The following GABPB1 variants were observed in gnomAD, a reference collection of about 807,000 sequenced individuals.
GABPB1 encodes the protein GA-binding protein subunit beta-1.
A neutral mutation model predicts 45.9 loss-of-function variants in GABPB1; 15 were observed. The observed-to-expected ratio is 0.33, with a 90% CI of 0.22 to 0.50. GABPB1 has a LOEUF of 0.50. Among genes scored for constraint, GABPB1 ranks in the 20% least tolerant of loss-of-function variants. GABPB1 has a pLI of 0.98. For synonymous variants in GABPB1, 143 were observed against 154.4 expected (o/e 0.93, Z 0.55); for missense variants, 252 against 457.5 (o/e 0.55, Z 4.10).
intron 1 of GABPB1, chr15:50,349,025 T>C: frequency 6.6e-6 from 1 of 152,280 alleles, no homozygotes; most frequent in South Asian, 2.1e-4. Context: ...TATTATAAAA[T>C]AGGACTCAAA....
intron 1 of GABPB1, among the ~76,000 whole-genome samples, chr15:50,318,750 TG>T (rs1489048503): frequency 1.3e-5 from 2 of 151,950 alleles, no homozygotes; most frequent in East Asian, 3.9e-4. Context: ...TGAATGTCAG[TG>T]GAGAGTTTGG....
At chr15:50,291,413 A>T (rs1298121288) in intron 6 of GABPB1, among the ~76,000 whole-genome samples, 1 of 151,606 alleles carries the variant, frequency 6.6e-6, no homozygotes. Flanking sequence ...CCGCCTCCCG[A>T]GTTCAAGCGA....
rs556209319 is a variant in GABPB1 at position 50,309,915 on chromosome 15, G to A, written c.1-117C>T. On this transcript the variant is annotated intron_variant, in intron 1 of 8. Coordinates refer to ENST00000380877, the MANE Select transcript of GABPB1 (RefSeq NM_016654.5). Reference sequence around the variant, plus strand: ...TTCTCAATTATCCCTTCAAAAGAGTGTGCTATGGTTAATTTAAAATTACAG... The same window carrying A: ...TTCTCAATTATCCCTTCAAAAGAGTATGCTATGGTTAATTTAAAATTACAG... 1.0e-5 allele frequency: 6 copies of A among 583,112 alleles called. No individual in the cohort carries two copies. The East Asian group carries it at 1.7e-4, about 16-fold the overall frequency. The allele number at this position is 583,112 out of a possible 1,614,324, so 36.1% of individuals were successfully genotyped here.
chr15:50,289,437 T>TG (rs34330339), intron 7 of GABPB1, 46 bp downstream of exon 7: 2 of 1,072,726 alleles, frequency 1.9e-6, no homozygotes, highest in Non-Finnish European at 2.6e-6. Context: ...AAATAAAAAT[T>TG]AAAAAAAAAA....
chr15:50,313,498 C>A (rs2047202151), intron 1 of GABPB1, among the ~76,000 whole-genome samples: 1 of 151,924 alleles, frequency 6.6e-6, no homozygotes, highest in Admixed American at 6.6e-5. Context: ...TTCTAAGAAT[C>A]TATTCTAAAG....
chr15:50,326,475 T>C (rs2047767980), intron 1 of GABPB1, among the ~76,000 whole-genome samples: 2 of 151,670 alleles, frequency 1.3e-5, no homozygotes, highest in Admixed American at 6.6e-5. Context: ...CTGGCCAACA[T>C]GGTGAAACCC....
chr15:50,293,638 C>T (rs3784297), intron 6 of GABPB1, among the ~76,000 whole-genome samples: 97,356 of 152,038 alleles, frequency 0.64, 32,502 homozygotes, highest in African/African-American at 0.82. Flanking sequence ...TTCACTTGAA[C>T]TGAATGCTAA....
At chr15:50,354,178 G>T in intron 1 of GABPB1, 1 of 338,974 alleles carries the variant, frequency 3.0e-6, no homozygotes, top group South Asian at 2.1e-5. Flanking sequence ...ACACAGTGAT[G>T]AACTGTGCCC....
At chr15:50,289,448 A>AC in intron 7 of GABPB1, 35 bp downstream of exon 7, 2 of 1,413,892 alleles carry the variant, frequency 1.4e-6, no homozygotes, top group Non-Finnish European at 1.9e-6. Flanking sequence ...AAAAAAAAAA[A>AC]ACATACAAAC....
intron 2 of GABPB1, among the ~76,000 whole-genome samples, chr15:50,306,513 G>C (rs1183980019): frequency 2.0e-5 from 3 of 151,664 alleles, no homozygotes; most frequent in Non-Finnish European, 4.4e-5. Flanking sequence ...TGTTATCCCA[G>C]CTACTTCGGT....
chr15:50,341,528 C>A (rs1290879299), intron 1 of GABPB1, among the ~76,000 whole-genome samples: 2 of 150,982 alleles, frequency 1.3e-5, no homozygotes, highest in East Asian at 3.9e-4. Flanking sequence ...AGTGAAACCC[C>A]ATCTCAAAAA....
chr15:50,334,411 T>A (rs1332542297), intron 1 of GABPB1, among the ~76,000 whole-genome samples: 2 of 152,164 alleles, frequency 1.3e-5, no homozygotes, highest in African/African-American at 4.8e-5. Flanking sequence ...ATCTGATCTA[T>A]ATTCCAGTTT....
chr15:50,312,236 T>A (rs532374295), intron 1 of GABPB1, among the ~76,000 whole-genome samples: 3 of 151,606 alleles, frequency 2.0e-5, no homozygotes, highest in South Asian at 4.2e-4. Context: ...AAAAAAAAAA[T>A]AATCTATATT....
rs1289967562 is a variant in GABPB1 at position 50,275,770 on chromosome 15, T to C, written c.*2862A>G. The C allele has an allele frequency of 6.6e-6, 1 of 152,166 alleles. No homozygotes were observed. The highest frequency in any genetic ancestry group is 6.6e-5 in the Admixed American group (1 of 15,264). 9.4% of individuals were successfully genotyped at this position (152,166 alleles called of 1,614,324 possible). Reference sequence around the variant, plus strand: ...GAAAACAAATGACATCACAAGTCCTTTTGTGAAGTAATTAAGATATAAATA... The same window carrying C: ...GAAAACAAATGACATCACAAGTCCTCTTGTGAAGTAATTAAGATATAAATA... On this transcript the variant is annotated 3_prime_UTR_variant, in exon 9 of 9. Transcript: ENST00000380877.
At chr15:50,326,478 T>C (rs2047768221) in intron 1 of GABPB1, among the ~76,000 whole-genome samples, 1 of 151,518 alleles carries the variant, frequency 6.6e-6, no homozygotes, top group South Asian at 2.1e-4. Context: ...GCCAACATGG[T>C]GAAACCCCGT....
intron 1 of GABPB1, among the ~76,000 whole-genome samples, chr15:50,343,156 C>T (rs149362460): frequency 0.02 from 3,066 of 152,262 alleles, 102 homozygotes; most frequent in African/African-American, 0.071. Flanking sequence ...GCCTCGGCCT[C>T]CCAAAGTGCT....
chr15:50,294,876 T>G (rs2046461060), intron 6 of GABPB1, among the ~76,000 whole-genome samples: 1 of 152,164 alleles, frequency 6.6e-6, no homozygotes, highest in Non-Finnish European at 1.5e-5. Flanking sequence ...GAAAAACCAC[T>G]TTATTAGTAA....
intron 6 of GABPB1, among the ~76,000 whole-genome samples, chr15:50,300,436 G>GTTTTTTTTCTTTTTTTTT (rs2046693461): frequency 2.5e-5 from 1 of 40,808 alleles, no homozygotes; most frequent in Non-Finnish European, 3.9e-5. Context: ...ACTGTTTTTG[G>GTTTTTTTTCTTTTTTTTT]TTTTTTTTTT....
intron 1 of GABPB1, chr15:50,350,176 A>G (rs2048766965): frequency 6.6e-6 from 1 of 151,896 alleles, no homozygotes; most frequent in Non-Finnish European, 1.5e-5. Flanking sequence ...CTGGCTCTAG[A>G]GTCACACTGG....
Sources: allele counts gnomAD v4.1 joint callset (sites outside exome capture counted in the v4.1 genomes callset), GRCh38; gene constraint gnomAD v4.1.1; transcripts MANE v1.5; gene names NCBI Gene and HGNC (gene_info 2026-07-23, HGNC 2026-07-21).